TFB1M: variants seen among roughly 807,000 people sequenced by gnomAD.
The protein encoded by TFB1M is dimethyladenosine transferase 1, mitochondrial.
In TFB1M, 27 loss-of-function variants were observed where a neutral mutation model predicts 31.1. The ratio of observed to expected loss-of-function variants is 0.87; its 90% confidence interval spans 0.64 to 1.20. The LOEUF (loss-of-function observed/expected upper bound fraction) is 1.20. Among genes scored for constraint, TFB1M ranks in the 50% most tolerant of loss-of-function variants. TFB1M has a pLI of 0.00. For synonymous variants in TFB1M, 166 were observed against 151.8 expected (o/e 1.09, Z -0.69); for missense variants, 394 against 418.7 (o/e 0.94, Z 0.51).
intron 1 of TFB1M, 135 bp from the exon 2 acceptor site, chr6:155,311,474 CTATT>C: frequency 6.7e-6 from 5 of 747,544 alleles, no homozygotes; most frequent in East Asian, 2.7e-5. Flanking sequence ...ATTTATTTGA[CTATT>C]TAACTCTCTA....
the TFB1M span, chr6:155,240,454 C>T: frequency 5.5e-5 from 82 of 1,477,548 alleles, 1 homozygote; most frequent in Non-Finnish European, 6.5e-5. Flanking sequence ...GACGGAGACA[C>T]TTGGTGCCCT....
the TFB1M span, among the ~76,000 whole-genome samples, chr6:155,242,471 G>A: frequency 6.6e-6 from 1 of 152,208 alleles, no homozygotes; most frequent in Non-Finnish European, 1.5e-5. Flanking sequence ...GGAATATGGT[G>A]AGGGAAGGCC....
chr6:155,302,315 G>A (rs969401624), intron 2 of TFB1M, among the ~76,000 whole-genome samples: 1 of 152,064 alleles, frequency 6.6e-6, no homozygotes, highest in Admixed American at 6.5e-5. Flanking sequence ...TTGTAACAGG[G>A]CTGGGCAAAA....
Position 155,260,339 on chromosome 6 carries a change from T to TTGAA in TFB1M, c.724_727dup (p.Lys243IlefsTer29), listed in dbSNP as rs1277246041. On this transcript the variant is annotated frameshift_variant, in exon 6 of 7. Transcript: ENST00000367166. LOFTEE classifies it high-confidence loss of function. ...ATTCTGAACCACTTTTTCCACCAGCTTGAATGGCTGCTCTATCTTGGGCTG... is the reference window on the plus strand; with the variant it reads ...ATTCTGAACCACTTTTTCCACCAGCTTGAATGAATGGCTGCTCTATCTTGGGCTG... 2 of 1,614,114 alleles carry TTGAA rather than the reference T, an allele frequency of 1.2e-6. No individual in the cohort carries two copies. Among genetic ancestry groups the TTGAA allele is most frequent in the Non-Finnish European group, 1.7e-6 (2 of 1,180,050 alleles).
intron 5 of TFB1M, among the ~76,000 whole-genome samples, chr6:155,281,488 G>A (rs549686993): frequency 7.9e-5 from 12 of 152,272 alleles, no homozygotes; most frequent in African/African-American, 2.2e-4. Flanking sequence ...TTGGGAGGCC[G>A]AGGCGGATGG....
intron 2 of TFB1M, among the ~76,000 whole-genome samples, chr6:155,300,371 G>A (rs1368498118): frequency 6.6e-6 from 1 of 152,134 alleles, no homozygotes; most frequent in Non-Finnish European, 1.5e-5. Flanking sequence ...AGTAAAACTT[G>A]ATCTGGTGAG....
rs1458775805 is a variant in TFB1M, at chr6:155,260,418, ATAT to A, written c.667-21_667-19del. 8 of 1,614,214 alleles carry A rather than the reference ATAT, an allele frequency of 5.0e-6. No homozygotes were observed. The highest frequency in any genetic ancestry group is 1.1e-5 in the South Asian group (1 of 91,090). On this transcript the variant is annotated intron_variant, in intron 5 of 6. Coordinates refer to ENST00000367166, the MANE Select transcript of TFB1M (RefSeq NM_016020.4). ...ACGTCCACCTTCGTTGTAAGCAAAC[ATAT>A]TATCATTCTGTGGCATGATATGTGG... is the stretch of plus-strand genomic sequence containing the variant.
the TFB1M span, chr6:155,249,885 C>T: frequency 6.2e-7 from 1 of 1,614,110 alleles, no homozygotes; most frequent in Non-Finnish European, 8.5e-7. Flanking sequence ...TAGCGAGCCA[C>T]ATCAATGAGA....
At chr6:155,293,695 A>T (rs1777033749) in intron 4 of TFB1M, among the ~76,000 whole-genome samples, 1 of 152,060 alleles carries the variant, frequency 6.6e-6, no homozygotes, top group Non-Finnish European at 1.5e-5. Flanking sequence ...TTTTGTAGTT[A>T]TTTTTATATA....
the TFB1M span, among the ~76,000 whole-genome samples, chr6:155,246,706 ACAGT>A: frequency 1.3e-5 from 2 of 152,176 alleles, no homozygotes; most frequent in Admixed American, 6.5e-5. Context: ...ATACATATTG[ACAGT>A]CAGTGCAGTA....
intron 4 of TFB1M, among the ~76,000 whole-genome samples, chr6:155,287,083 T>C (rs997898605): frequency 6.6e-6 from 1 of 151,930 alleles, no homozygotes; most frequent in African/African-American, 2.4e-5. Flanking sequence ...ATTAGAACAT[T>C]ACATATAATT....
In TFB1M at chr6:155,314,442, C is replaced by T. The variant is rs749331116; in HGVS notation, c.-14G>A. The T allele has an allele frequency of 1.2e-6, 2 of 1,614,074 alleles. No individual in the cohort carries two copies. Among genetic ancestry groups the T allele is most frequent in the Non-Finnish European group, 1.7e-6 (2 of 1,179,986 alleles). On this transcript the variant is annotated 5_prime_UTR_variant, in exon 1 of 7. Coordinates refer to ENST00000367166, the MANE Select transcript of TFB1M (RefSeq NM_016020.4). ...GGAGGCAGCCATGATACGCGGCAAG[C>T]ACCATCCAACCCTACCTCACCCAGG...
Position 155,314,418 on chromosome 6 carries a change from G to A in TFB1M, c.11C>T (p.Ser4Phe), listed in dbSNP as rs1419596021. The part of the protein sequence containing the change: MAA[S>F]GKLSTCRLPP... ...GAGACGGCAAGTGCTGAGTTTTCCGGAGGCAGCCATGATACGCGGCAAGCA... is the reference window on the plus strand; with the variant it reads ...GAGACGGCAAGTGCTGAGTTTTCCGAAGGCAGCCATGATACGCGGCAAGCA... Residue 4 changes from serine (S) to phenylalanine (F), a missense_variant, in exon 1 of 7, where the codon TCC becomes TTC. By Grantham distance (155) the Ser-to-Phe change is radical. Transcript: ENST00000367166. The A allele has an allele frequency of 1.9e-6, 3 of 1,614,168 alleles. No homozygotes were observed. The highest frequency in any genetic ancestry group is 2.5e-6 in the Non-Finnish European group (3 of 1,180,008).
chr6:155,304,381 G>A (rs1236208440), intron 2 of TFB1M, among the ~76,000 whole-genome samples: 1 of 152,092 alleles, frequency 6.6e-6, no homozygotes, highest in Non-Finnish European at 1.5e-5. Flanking sequence ...TAATTTAATG[G>A]TTAAGAAGAA....
intron 2 of TFB1M, among the ~76,000 whole-genome samples, chr6:155,305,593 TTATATATAAATA>T (rs1267240402): frequency 0.083 from 1,516 of 18,256 alleles, 135 homozygotes; most frequent in East Asian, 0.46. Context: ...AATTATATAT[TTATATATAAATA>T]TATATATATT....
chr6:155,261,505 T>C (rs1461947584), intron 5 of TFB1M, among the ~76,000 whole-genome samples: 6 of 152,196 alleles, frequency 3.9e-5, no homozygotes, highest in African/African-American at 7.2e-5. Context: ...GCTTTTCTGG[T>C]TGTGTTTCTT....
intron 5 of TFB1M, chr6:155,276,356 C>A (rs1051944943): frequency 2.5e-6 from 4 of 1,613,170 alleles, no homozygotes; most frequent in Non-Finnish European, 3.4e-6. Flanking sequence ...CAATTCCACA[C>A]ACAATCTGAA....
chr6:155,276,062 A>T (rs768410059), intron 5 of TFB1M: 2 of 1,614,176 alleles, frequency 1.2e-6, no homozygotes, highest in South Asian at 2.2e-5. Flanking sequence ...AGAAACCAAG[A>T]GCCATGCTTC....
chr6:155,236,783 C>G, the TFB1M span, among the ~76,000 whole-genome samples: 18 of 152,188 alleles, frequency 1.2e-4, no homozygotes, highest in Non-Finnish European at 2.2e-4. Flanking sequence ...TTCACTATTA[C>G]AAGAACAGCA....
Sources: gnomAD v4.1 joint callset for allele counts (sites outside exome capture counted in the v4.1 genomes callset) on GRCh38, gnomAD v4.1.1 for gene constraint, MANE v1.5 for transcripts, NCBI Gene and HGNC (gene_info 2026-07-23, HGNC 2026-07-21) for gene names.